The following RBPJ variants were observed in gnomAD, a reference collection of about 807,000 sequenced individuals.
The protein encoded by RBPJ is recombining binding protein suppressor of hairless.
RBPJ carries 9 observed loss-of-function variants against 67.8 expected under a neutral mutation model. That is an observed-to-expected ratio of 0.13 (90% CI 0.08 to 0.23). RBPJ has a LOEUF of 0.23. Ranked by LOEUF, RBPJ falls within the 10% of genes least tolerant of loss-of-function variation. The probability of loss-of-function intolerance (pLI) is 1.00; values close to 1 mark genes in which losing one functional copy is unlikely to be tolerated. For synonymous variants in RBPJ, 198 were observed against 203.3 expected, an observed-to-expected ratio of 0.97 and a Z score of 0.22; for missense variants, 305 against 595.6, an observed-to-expected ratio of 0.51 and a Z score of 5.08.
intron 3 of RBPJ, among the ~76,000 whole-genome samples, chr4:26,411,646 A>G (rs979543165): frequency 2.6e-5 from 4 of 152,070 alleles, no homozygotes; most frequent in African/African-American, 9.7e-5. Flanking sequence ...CATGATTGGA[A>G]AGCACTTTCA....
chr4:26,265,144 T>C (rs1720661354), intron 1 of RBPJ, among the ~76,000 whole-genome samples: 1 of 152,158 alleles, frequency 6.6e-6, no homozygotes, highest in African/African-American at 2.4e-5. Flanking sequence ...GAAAAGTTAC[T>C]AGAAGGTGAG....
At chr4:26,414,090 A>C (rs1410492738) in intron 3 of RBPJ, among the ~76,000 whole-genome samples, 1 of 152,172 alleles carries the variant, frequency 6.6e-6, no homozygotes, top group Non-Finnish European at 1.5e-5. Context: ...ATAACAGTAC[A>C]AGAAGTGAGA....
chr4:26,402,672 T>G (rs534797186), intron 2 of RBPJ, among the ~76,000 whole-genome samples: 71 of 152,354 alleles, frequency 4.7e-4, no homozygotes, highest in African/African-American at 1.6e-3. Context: ...GTTTCAGTTC[T>G]TCCTCTTATC....
intron 1 of RBPJ, among the ~76,000 whole-genome samples, chr4:26,216,025 C>T (rs961869786): frequency 9.2e-5 from 14 of 152,156 alleles, no homozygotes; most frequent in African/African-American, 1.2e-4. Flanking sequence ...CCCTCCCTAT[C>T]GCCAAAGACC....
At chr4:26,235,918 G>C (rs771892452) in intron 1 of RBPJ, among the ~76,000 whole-genome samples, 7 of 152,210 alleles carry the variant, frequency 4.6e-5, no homozygotes, top group Non-Finnish European at 7.3e-5. Flanking sequence ...AATTGGAAGG[G>C]AAGGGAACTT....
At chr4:26,355,621 G>C (rs569294431) in intron 1 of RBPJ, among the ~76,000 whole-genome samples, 4 of 152,224 alleles carry the variant, frequency 2.6e-5, no homozygotes, top group East Asian at 1.9e-4. Context: ...CTGGGCAACA[G>C]AGCAAGACCC....
the RBPJ span, among the ~76,000 whole-genome samples, chr4:26,146,905 C>T: frequency 6.6e-6 from 1 of 152,174 alleles, no homozygotes; most frequent in African/African-American, 2.4e-5. Flanking sequence ...AATGGGAGCA[C>T]CCTCCAGGCA....
intron 1 of RBPJ, among the ~76,000 whole-genome samples, chr4:26,243,617 G>T (rs1462067942): frequency 6.6e-6 from 1 of 152,040 alleles, no homozygotes; most frequent in African/African-American, 2.4e-5. Context: ...ATCATGCATG[G>T]GTAAAATATT....
upstream of RBPJ, among the ~76,000 whole-genome samples, chr4:26,316,478 TATAC>T (rs148250702): frequency 1.1e-3 from 142 of 125,858 alleles, no homozygotes; most frequent in African/African-American, 3.0e-3. Context: ...TACATTCATA[TATAC>T]ATATTCATAT....
At chr4:26,199,334 C>A (rs1018695336) in intron 1 of RBPJ, among the ~76,000 whole-genome samples, 2 of 152,170 alleles carry the variant, frequency 1.3e-5, no homozygotes, top group African/African-American at 4.8e-5. Context: ...GTCCCAGCTA[C>A]TTGGGAGGCT....
chr4:26,350,814 G>A (rs1230397608), intron 1 of RBPJ, among the ~76,000 whole-genome samples: 1 of 152,122 alleles, frequency 6.6e-6, no homozygotes, highest in Non-Finnish European at 1.5e-5. Context: ...CATTTAATAT[G>A]GGAAACAAGT....
At chr4:26,349,759 T>A (rs1426393686) in intron 1 of RBPJ, among the ~76,000 whole-genome samples, 1 of 152,232 alleles carries the variant, frequency 6.6e-6, no homozygotes, top group Non-Finnish European at 1.5e-5. Context: ...GAGATTTTCA[T>A]GGTTACTCTC....
intron 1 of RBPJ, among the ~76,000 whole-genome samples, chr4:26,274,772 G>A (rs1721024608): frequency 6.6e-6 from 1 of 151,914 alleles, no homozygotes; most frequent in Non-Finnish European, 1.5e-5. Context: ...CTCGTCTATC[G>A]AAAACACAAA....
At chr4:26,377,152 GC>G (rs1729834401) in intron 1 of RBPJ, among the ~76,000 whole-genome samples, 1 of 152,136 alleles carries the variant, frequency 6.6e-6, no homozygotes, top group Non-Finnish European at 1.5e-5. Context: ...GTAGTAGTGG[GC>G]TTACTCAGTG....
chr4:26,413,709 G>C (rs1053251292), intron 3 of RBPJ, among the ~76,000 whole-genome samples: 1 of 152,098 alleles, frequency 6.6e-6, no homozygotes, highest in African/African-American at 2.4e-5. Context: ...AGGCTGAGGG[G>C]GAAGCAAACA....
chr4:26,274,771 C>T (rs1006803101), intron 1 of RBPJ, among the ~76,000 whole-genome samples: 1 of 151,964 alleles, frequency 6.6e-6, no homozygotes, highest in African/African-American at 2.4e-5. Context: ...CCTCGTCTAT[C>T]GAAAACACAA....
At chr4:26,294,367 G>C (rs1186902094) in intron 1 of RBPJ, among the ~76,000 whole-genome samples, 1 of 152,196 alleles carries the variant, frequency 6.6e-6, no homozygotes, top group Non-Finnish European at 1.5e-5. Context: ...AAAGTGCTGG[G>C]AATACAGGCA....
rs1327525669 is a variant in RBPJ at position 26,434,381 on chromosome 4, G to A, written c.*3374G>A. 2 of 152,172 alleles carry A rather than the reference G, an allele frequency of 1.3e-5. No homozygotes were observed. The highest frequency in any genetic ancestry group is 2.9e-5 in the Non-Finnish European group (2 of 68,014). The allele number at this position is 152,172 out of a possible 1,614,324, so 9.4% of individuals were successfully genotyped here. On this transcript the variant is annotated 3_prime_UTR_variant, in exon 11 of 11. Transcript: ENST00000355476. The stretch of plus-strand genomic sequence containing the variant: ...AGTCATGCTAACCAGAAAATCCACT[G>A]GGGAGGAGGTTCCTTTTGAAACAAA...
rs1044769836 is a variant in RBPJ at position 26,259,061 on chromosome 4, C to T, written c.-167+95447C>T. 1.1e-4 allele frequency among the ~76,000 whole-genome samples: 17 copies of T among 152,072 alleles called. 1 individual carries two copies. Among genetic ancestry groups the T allele is most frequent in the Admixed American group, 9.8e-4 (15 of 15,260 alleles). The stretch of plus-strand genomic sequence containing the variant: ...TCGTGATCCACCCCCCTCAGACTCC[C>T]AAAGTGCTGGGATTACAGGCGTGAG... On this transcript the variant is annotated intron_variant, in intron 1 of 4. Coordinates refer to the RBPJ transcript ENST00000512351.
Sources: allele counts gnomAD v4.1 joint callset (sites outside exome capture counted in the v4.1 genomes callset), GRCh38; gene constraint gnomAD v4.1.1; transcripts MANE v1.5; gene names NCBI Gene and HGNC (gene_info 2026-07-23, HGNC 2026-07-21).